Variants in B3GLCT observed in about 807,000 individuals in gnomAD.
B3GLCT encodes the protein beta-1,3-glucosyltransferase.
A neutral mutation model predicts 63.4 loss-of-function variants in B3GLCT; 65 were observed. The observed-to-expected ratio is 1.03, with a 90% CI of 0.84 to 1.26. B3GLCT has a LOEUF of 1.26. B3GLCT is among the 50% of genes most tolerant of loss of function. The probability of loss-of-function intolerance (pLI) is 0.00; values close to 1 mark genes in which losing one functional copy is unlikely to be tolerated. For synonymous variants in B3GLCT, 233 were observed against 219.2 expected (o/e 1.06, Z -0.55); for missense variants, 577 against 604.8 (o/e 0.95, Z 0.48).
At chr13:31,321,993 C>A (rs564353483) in intron 13 of B3GLCT, among the ~76,000 whole-genome samples, 53 of 152,322 alleles carry the variant, frequency 3.5e-4, no homozygotes, top group African/African-American at 1.2e-3. Context: ...CTCATCCCCA[C>A]CCCTCTTCCG....
chr13:31,266,189 G>A (rs182089188), intron 7 of B3GLCT, among the ~76,000 whole-genome samples: 45 of 151,934 alleles, frequency 3.0e-4, no homozygotes, highest in African/African-American at 8.9e-4. Flanking sequence ...TAGTAGAGAC[G>A]GGGTTTCACC....
At chr13:31,256,715 TAATC>T (rs1025410346) in intron 6 of B3GLCT, among the ~76,000 whole-genome samples, 3 of 152,162 alleles carry the variant, frequency 2.0e-5, no homozygotes, top group Non-Finnish European at 4.4e-5. Context: ...AAGTGGGAGT[TAATC>T]AATGAGAACA....
intron 3 of B3GLCT, among the ~76,000 whole-genome samples, chr13:31,227,601 G>C (rs1241366167): frequency 6.6e-6 from 1 of 152,150 alleles, no homozygotes; most frequent in African/African-American, 2.4e-5. Context: ...TATTCAGTAG[G>C]CTGTTCAGCA....
chr13:31,323,923 C>T (rs773423211), intron 14 of B3GLCT, 28 bp downstream of exon 14: 8 of 1,613,210 alleles, frequency 5.0e-6, no homozygotes, highest in South Asian at 4.4e-5. Flanking sequence ...ATTCTTCCCT[C>T]ATGGCAGGTG....
intron 9 of B3GLCT, among the ~76,000 whole-genome samples, chr13:31,275,390 A>G (rs1461030156): frequency 1.3e-5 from 2 of 152,170 alleles, no homozygotes; most frequent in Admixed American, 6.5e-5. Flanking sequence ...ACTGCCCACC[A>G]TAGCGCTTTA....
intron 13 of B3GLCT, among the ~76,000 whole-genome samples, chr13:31,321,848 T>A (rs1055443084): frequency 6.2e-5 from 9 of 145,994 alleles, no homozygotes; most frequent in Non-Finnish European, 6.1e-5. Flanking sequence ...ATTTTTTTTT[T>A]ATTATTTCAA....
At chr13:31,213,965 A>G (rs941046852) in intron 1 of B3GLCT, among the ~76,000 whole-genome samples, 1 of 152,128 alleles carries the variant, frequency 6.6e-6, no homozygotes, top group Non-Finnish European at 1.5e-5. Flanking sequence ...TCTTAGTGTG[A>G]AGATGTTTTA....
intron 13 of B3GLCT, 118 bp from the exon 14 acceptor site, chr13:31,323,633 A>T (rs1226512744): frequency 8.6e-7 from 1 of 1,164,362 alleles, no homozygotes; most frequent in Admixed American, 1.7e-5. Flanking sequence ...GTAACTAGAG[A>T]AAGCTACTAT....
At chr13:31,277,673 T>C (rs984636703) in intron 10 of B3GLCT, among the ~76,000 whole-genome samples, 4 of 152,196 alleles carry the variant, frequency 2.6e-5, no homozygotes, top group Admixed American at 6.5e-5. Flanking sequence ...ATACAAATTA[T>C]ATTTTACAGG....
At chr13:31,205,509 A>G (rs1362768839) in intron 1 of B3GLCT, among the ~76,000 whole-genome samples, 2 of 152,044 alleles carry the variant, frequency 1.3e-5, no homozygotes, top group Admixed American at 6.6e-5. Flanking sequence ...TAGTGAGCAA[A>G]GATTGCACCA....
chr13:31,288,228 C>A (rs1224224504), intron 12 of B3GLCT, among the ~76,000 whole-genome samples: 1 of 152,120 alleles, frequency 6.6e-6, no homozygotes, highest in Non-Finnish European at 1.5e-5. Flanking sequence ...CCACTCTAGG[C>A]AGCTGTGGAA....
intron 1 of B3GLCT, among the ~76,000 whole-genome samples, chr13:31,212,880 T>A (rs1248762733): frequency 6.6e-6 from 1 of 152,262 alleles, no homozygotes; most frequent in African/African-American, 2.4e-5. Context: ...TGATATCTTC[T>A]TCAGGGTTTT....
intron 8 of B3GLCT, among the ~76,000 whole-genome samples, chr13:31,270,763 A>G (rs904374208): frequency 1.3e-5 from 2 of 152,184 alleles, no homozygotes; most frequent in African/African-American, 4.8e-5. Context: ...GTAATTTTGC[A>G]TCCTTTTGGG....
At chr13:31,217,707 C>T (rs1345708038) in intron 2 of B3GLCT, among the ~76,000 whole-genome samples, 1 of 152,182 alleles carries the variant, frequency 6.6e-6, no homozygotes, top group East Asian at 1.9e-4. Context: ...GTCCTTTCCC[C>T]ATTGCTTGTT....
intron 9 of B3GLCT, among the ~76,000 whole-genome samples, chr13:31,276,023 G>A (rs943995561): frequency 3.3e-5 from 5 of 152,270 alleles, no homozygotes; most frequent in Middle Eastern, 6.8e-3. Flanking sequence ...GCCTAAGGCA[G>A]GTAATAAAGG....
At chr13:31,313,269 C>G (rs1485061686) in intron 12 of B3GLCT, among the ~76,000 whole-genome samples, 1 of 152,106 alleles carries the variant, frequency 6.6e-6, no homozygotes, top group Non-Finnish European at 1.5e-5. Flanking sequence ...GAAAAGATAT[C>G]TTGGTGAATA....
At chr13:31,257,102 AT>A (rs1038386594) in intron 6 of B3GLCT, among the ~76,000 whole-genome samples, 4 of 152,194 alleles carry the variant, frequency 2.6e-5, no homozygotes, top group African/African-American at 9.6e-5. Context: ...CCACACAAAA[AT>A]ATTGAAAAAC....
intron 4 of B3GLCT, among the ~76,000 whole-genome samples, chr13:31,232,880 A>G (rs981677016): frequency 6.6e-5 from 10 of 152,230 alleles, no homozygotes; most frequent in Non-Finnish European, 1.5e-4. Flanking sequence ...AGAACCAAGC[A>G]CTGAATCCTT....
At chr13:31,236,323 G>C (rs377301316) in intron 4 of B3GLCT, among the ~76,000 whole-genome samples, 1 of 152,064 alleles carries the variant, frequency 6.6e-6, no homozygotes, top group Non-Finnish European at 1.5e-5. Context: ...GCTTTATCAC[G>C]CTTATACTTA....
Sources: allele counts gnomAD v4.1 joint callset (sites outside exome capture counted in the v4.1 genomes callset), GRCh38; gene constraint gnomAD v4.1.1; transcripts MANE v1.5; gene names NCBI Gene and HGNC (gene_info 2026-07-23, HGNC 2026-07-21).